Variants in NFX1 observed in about 807,000 individuals in gnomAD.
NFX1 encodes transcriptional repressor NF-X1.
A neutral mutation model predicts 137.2 loss-of-function variants in NFX1; 69 were observed. That is an observed-to-expected ratio of 0.50 (90% CI 0.41 to 0.61). The LOEUF (loss-of-function observed/expected upper bound fraction) is 0.61, where lower values mean the gene tolerates loss of function less well. Ranked by LOEUF, NFX1 falls within the 20% of genes least tolerant of loss-of-function variation. NFX1 has a pLI of 0.00. For synonymous variants in NFX1, 495 were observed against 474.1 expected (o/e 1.04, Z -0.57); for missense variants, 1,167 against 1,391.0 (o/e 0.84, Z 2.56).
Position 33,366,781 on chromosome 9 carries a change from C to G in NFX1, c.3185+7C>G. ...TGGTGGTCACTGCCATCAGGTAGGTCAATCCCGCCGTCAGAGGAAGAACTC... is the reference window on the plus strand; with the variant it reads ...TGGTGGTCACTGCCATCAGGTAGGTGAATCCCGCCGTCAGAGGAAGAACTC... On this transcript the variant is annotated splice_region_variant and intron_variant, in intron 22 of 23. Coordinates refer to ENST00000379540, the MANE Select transcript of NFX1 (RefSeq NM_002504.6). 6.2e-7 allele frequency: 1 copy of G among 1,612,106 alleles called. No individual in the cohort carries two copies. The highest frequency in any genetic ancestry group is 8.5e-7 in the Non-Finnish European group (1 of 1,178,424).
rs533218594 is a variant in NFX1, at chr9:33,292,706, A to T, written c.26-1714A>T. Among the ~76,000 whole-genome samples, 25 of 152,208 alleles carry T rather than the reference A, an allele frequency of 1.6e-4. No individual in the cohort carries two copies. The Middle Eastern group carries it at 0.014, about 83-fold the overall frequency. The stretch of plus-strand genomic sequence containing the variant: ...TCTAGTTGAACATATCCTGTATATG[A>T]GTACATGCAGCCTTCTCTGGATTCT... On this transcript the variant is annotated intron_variant, in intron 1 of 23. Coordinates refer to ENST00000379540, the MANE Select transcript of NFX1 (RefSeq NM_002504.6).
Position 33,351,484 on chromosome 9 carries a change from A to G in NFX1, c.2425-76A>G, listed in dbSNP as rs142185123. 7.2e-5 allele frequency: 100 copies of G among 1,385,956 alleles called. 1 individual carries two copies. The African/African-American group carries it at 1.3e-3, about 18-fold the overall frequency. 85.9% of individuals were successfully genotyped at this position (1,385,956 alleles called of 1,614,324 possible). A position where few individuals can be genotyped will look rare whatever the true frequency, so the allele number is the denominator to read the frequency against. On this transcript the variant is annotated intron_variant, in intron 15 of 23. Transcript: ENST00000379540. Reference sequence around the variant, plus strand: ...ACCAAACCCTGCCATAAGCTTAGAAATGTTTAAAGAGAAAGTTAAAACTCA... The same window carrying G: ...ACCAAACCCTGCCATAAGCTTAGAAGTGTTTAAAGAGAAAGTTAAAACTCA...
intron 7 of NFX1, among the ~76,000 whole-genome samples, chr9:33,315,042 G>A (rs1024436111): frequency 6.6e-6 from 1 of 152,018 alleles, no homozygotes; most frequent in African/African-American, 2.4e-5. Context: ...CTCCATTACT[G>A]CAATCTAGAA....
At chr9:33,292,151 A>G (rs1244537542) in intron 1 of NFX1, among the ~76,000 whole-genome samples, 2 of 152,126 alleles carry the variant, frequency 1.3e-5, no homozygotes, top group East Asian at 1.9e-4. Context: ...TTCGTGTTGA[A>G]CTTTGGTGTT....
chr9:33,359,497 G>A (rs956395101), intron 19 of NFX1, among the ~76,000 whole-genome samples: 1 of 152,070 alleles, frequency 6.6e-6, no homozygotes, highest in African/African-American at 2.4e-5. Context: ...TACTCAGGAG[G>A]CTAAGGCAAG....
intron 11 of NFX1, among the ~76,000 whole-genome samples, chr9:33,338,225 G>T (rs1035361763): frequency 6.7e-6 from 1 of 148,884 alleles, no homozygotes; most frequent in Non-Finnish European, 1.5e-5. Flanking sequence ...TGTGGTGGCA[G>T]GCACCTGTAA....
chr9:33,298,640 T>C (rs908962689), intron 2 of NFX1, among the ~76,000 whole-genome samples: 7 of 152,152 alleles, frequency 4.6e-5, no homozygotes, highest in Admixed American at 1.3e-4. Flanking sequence ...AAAAATTAGC[T>C]GGACGTGGTG....
At chr9:33,321,386 G>T (rs759532222) in intron 9 of NFX1, among the ~76,000 whole-genome samples, 1 of 152,128 alleles carries the variant, frequency 6.6e-6, no homozygotes, top group Non-Finnish European at 1.5e-5. Flanking sequence ...TGACTGTCAG[G>T]TTTGTTCAGA....
intron 3 of NFX1, among the ~76,000 whole-genome samples, chr9:33,301,785 T>G (rs1159626789): frequency 1.3e-5 from 2 of 152,158 alleles, no homozygotes; most frequent in African/African-American, 4.8e-5. Flanking sequence ...CTTCTTCTCA[T>G]TTTTGGCCAG....
intron 9 of NFX1, among the ~76,000 whole-genome samples, chr9:33,324,617 T>C (rs917188665): frequency 1.3e-5 from 2 of 151,716 alleles, no homozygotes; most frequent in Non-Finnish European, 2.9e-5. Context: ...AAACGATCAG[T>C]GAACATGAAA....
Position 33,342,128 on chromosome 9 carries a change from T to TCACACACACACA in NFX1, c.2116-606_2116-595dup, listed in dbSNP as rs150408873. 3.9e-3 allele frequency among the ~76,000 whole-genome samples: 564 copies of TCACACACACACA among 146,178 alleles called. 3 individuals are homozygous for TCACACACACACA. The highest frequency in any genetic ancestry group is 0.013 in the African/African-American group (537 of 39,840). ...GAGACCCTGTCTCTGTCTCTCTCTC[T>TCACACACACACA]CACACACACACACACACACACACGA... On this transcript the variant is annotated intron_variant, in intron 12 of 23. Transcript: ENST00000379540.
chr9:33,356,360 G>A (rs1823809859), intron 19 of NFX1, among the ~76,000 whole-genome samples: 2 of 152,004 alleles, frequency 1.3e-5, no homozygotes, highest in African/African-American at 2.4e-5. Flanking sequence ...TATGTATTCT[G>A]AATATGAGTC....
chr9:33,366,605 C>T (rs755061500), intron 21 of NFX1, 24 bp from the exon 22 acceptor site: 1 of 1,612,210 alleles, frequency 6.2e-7, no homozygotes, highest in African/African-American at 1.3e-5. Flanking sequence ...TATGATCAAT[C>T]AGTCATCTTT....
rs1338021426 is a variant in NFX1 at position 33,303,258 on chromosome 9, T to C, written c.1260T>C (p.Thr420=). ...CTGCACATGTTCCTAATACCTACACTTGTTTCTGTGGTAAGTTTGTTTATA... is the reference window on the plus strand; with the variant it reads ...CTGCACATGTTCCTAATACCTACACCTGTTTCTGTGGTAAGTTTGTTTATA... ...NVSAHVPNTY[T]CFCGKVKNPE... is the part of the protein sequence containing the mutation. Residue 420 remains threonine (T), a synonymous_variant, in exon 4 of 24, where the codon ACT becomes ACC. Coordinates refer to ENST00000379540, the MANE Select transcript of NFX1 (RefSeq NM_002504.6). The C allele has an allele frequency of 6.2e-7, 1 of 1,613,864 alleles. No individual in the cohort carries two copies. Among genetic ancestry groups the C allele is most frequent in the African/African-American group, 1.3e-5 (1 of 74,912 alleles).
chr9:33,363,263 G>GTATTATTATTATTATTAT (rs60988084), intron 19 of NFX1, among the ~76,000 whole-genome samples: 1 of 144,826 alleles, frequency 6.9e-6, no homozygotes, highest in African/African-American at 2.5e-5. Flanking sequence ...ATAAAGAAAT[G>GTATTATTATTATTATTAT]TATTATTATT....
At chr9:33,319,660 C>T (rs971993978) in intron 9 of NFX1, among the ~76,000 whole-genome samples, 3 of 152,178 alleles carry the variant, frequency 2.0e-5, no homozygotes, top group Non-Finnish European at 4.4e-5. Flanking sequence ...CAGGCGCACA[C>T]CACCACGCCC....
chr9:33,328,625 G>C lies in NFX1; in HGVS notation c.1951G>C (p.Gly651Arg), dbSNP rs540547207. Residue 651 changes from glycine to arginine, a missense_variant, in exon 10 of 24, where the codon GGA becomes CGA. Gly to Arg is a moderately radical substitution (Grantham distance 125). Transcript: ENST00000379540. ...AAAGCTCTGCCATGAAGGAGACTGT[G>C]GACCATGCTCTCGCACATCAGTTAT... ...CEKLCHEGDC[G>R]PCSRTSVISC... is the part of the protein sequence containing the mutation. 4.0e-5 allele frequency: 64 copies of C among 1,612,610 alleles called. No homozygotes were observed. In the East Asian group the frequency reaches 1.2e-3, roughly 31 times the overall value.
chr9:33,348,941 T>C (rs752419688), intron 15 of NFX1, among the ~76,000 whole-genome samples: 75 of 152,224 alleles, frequency 4.9e-4, no homozygotes, highest in Non-Finnish European at 7.8e-4. Context: ...TTGGCCAACA[T>C]TTCATGAAAC....
At chr9:33,338,610 T>TAATC in intron 12 of NFX1, 21 bp downstream of exon 12, 1 of 1,563,780 alleles carries the variant, frequency 6.4e-7, no homozygotes, top group Non-Finnish European at 8.6e-7. Flanking sequence ...TTATTAGGCA[T>TAATC]AATCAGATTC....
Sources: allele counts gnomAD v4.1 joint callset (sites outside exome capture counted in the v4.1 genomes callset), GRCh38; gene constraint gnomAD v4.1.1; transcripts MANE v1.5; gene names NCBI Gene and HGNC (gene_info 2026-07-23, HGNC 2026-07-21).